PPFIA2: variants seen among roughly 807,000 people sequenced by gnomAD.
The protein encoded by PPFIA2 is liprin-alpha-2.
PPFIA2 carries 46 observed loss-of-function variants against 175.5 expected under a neutral mutation model. The ratio of observed to expected loss-of-function variants is 0.26; its 90% CI spans 0.21 to 0.34. The LOEUF is 0.34. Ranked by LOEUF, PPFIA2 falls within the 10% of genes least tolerant of loss-of-function variation. PPFIA2 has a pLI of 1.00. For missense variants in PPFIA2, 1,179 were observed against 1,506.1 expected (o/e 0.78, Z 3.60); for synonymous variants, 568 against 511.4 (o/e 1.11, Z -1.49).
chr12:81,612,798 G>A (rs1595612114), intron 4 of PPFIA2, among the ~76,000 whole-genome samples: 1 of 152,208 alleles, frequency 6.6e-6, no homozygotes, highest in East Asian at 1.9e-4. Context: ...ATATATATGT[G>A]TGTATGTATA....
At chr12:81,290,589 T>C (rs1040805865) in intron 24 of PPFIA2, among the ~76,000 whole-genome samples, 1 of 151,720 alleles carries the variant, frequency 6.6e-6, no homozygotes, top group African/African-American at 2.4e-5. Flanking sequence ...CCTATAATAA[T>C]AAAGATAAGT....
chr12:81,555,708 G>A (rs1394341004), intron 4 of PPFIA2, among the ~76,000 whole-genome samples: 1 of 151,870 alleles, frequency 6.6e-6, no homozygotes, highest in Non-Finnish European at 1.5e-5. Context: ...CTGTAAGTCA[G>A]TAAATTAATA....
At chr12:81,681,184 AT>A (rs1345516180) in intron 3 of PPFIA2, among the ~76,000 whole-genome samples, 1 of 151,998 alleles carries the variant, frequency 6.6e-6, no homozygotes, top group East Asian at 1.9e-4. Context: ...AATCATATGA[AT>A]TTTTATCATC....
intron 4 of PPFIA2, among the ~76,000 whole-genome samples, chr12:81,482,722 C>T (rs988482393): frequency 1.3e-5 from 2 of 152,104 alleles, no homozygotes; most frequent in African/African-American, 4.8e-5. Context: ...GAACATCACA[C>T]ACTGGATCCT....
intron 27 of PPFIA2, chr12:81,279,063 G>C (rs1469210422): frequency 2.6e-5 from 4 of 152,126 alleles, no homozygotes; most frequent in Admixed American, 2.6e-4. Context: ...ATTGCATTTG[G>C]AGATAGTGCC....
chr12:81,435,008 C>G (rs1405559948), intron 7 of PPFIA2, among the ~76,000 whole-genome samples: 2 of 151,970 alleles, frequency 1.3e-5, no homozygotes, highest in African/African-American at 4.8e-5. Flanking sequence ...TTATTCTATG[C>G]AACTTCATTC....
chr12:81,540,446 C>T (rs2066033997), intron 4 of PPFIA2, among the ~76,000 whole-genome samples: 1 of 151,908 alleles, frequency 6.6e-6, no homozygotes, highest in Admixed American at 6.6e-5. Context: ...AAAGGCTGGG[C>T]TTGGTCTCTT....
At position 81,332,440 on chromosome 12, in the gene PPFIA2, C is replaced by A. The variant is rs77541765; in HGVS notation, c.2549-6570G>T. Among the ~76,000 whole-genome samples the A allele has an allele frequency of 5.1e-4, 77 of 152,158 alleles. No individual in the cohort carries two copies. The East Asian group carries it at 0.014, about 28-fold the overall frequency. On this transcript the variant is annotated intron_variant, in intron 21 of 32. Coordinates refer to ENST00000549396, the MANE Select transcript of PPFIA2 (RefSeq NM_003625.5). Reference sequence around the variant, plus strand: ...CCCGTTTGAAACTCTACCTTTACACCTTTTCAAATACGTAGGAAGATTGCA... The same window carrying A: ...CCCGTTTGAAACTCTACCTTTACACATTTTCAAATACGTAGGAAGATTGCA...
At chr12:81,294,667 T>C in intron 24 of PPFIA2, 168 bp downstream of exon 24, 1 of 660,186 alleles carries the variant, frequency 1.5e-6, no homozygotes, top group Non-Finnish European at 2.6e-6. Flanking sequence ...GTTCCTCATT[T>C]GAAAACCTAT....
intron 4 of PPFIA2, among the ~76,000 whole-genome samples, chr12:81,548,781 T>TA (rs533785120): frequency 2.0e-5 from 3 of 150,382 alleles, no homozygotes; most frequent in Admixed American, 6.7e-5. Flanking sequence ...TGCCAGATGA[T>TA]AAAAAAATCC....
intron 4 of PPFIA2, among the ~76,000 whole-genome samples, chr12:81,540,303 A>T (rs1222801707): frequency 1.3e-5 from 2 of 152,034 alleles, no homozygotes; most frequent in Non-Finnish European, 2.9e-5. Flanking sequence ...CTTAGCAATT[A>T]AGAATGGAAA....
At chr12:81,315,230 C>T (rs1374809358) in intron 22 of PPFIA2, among the ~76,000 whole-genome samples, 1 of 151,780 alleles carries the variant, frequency 6.6e-6, no homozygotes, top group East Asian at 1.9e-4. Context: ...CTTGGGATTA[C>T]TAGGTAATGC....
intron 22 of PPFIA2, among the ~76,000 whole-genome samples, chr12:81,321,940 T>G (rs1311370173): frequency 6.6e-6 from 1 of 152,170 alleles, no homozygotes; most frequent in Non-Finnish European, 1.5e-5. Flanking sequence ...GCTCAAGCAA[T>G]CCTCCTGTCT....
intron 27 of PPFIA2, among the ~76,000 whole-genome samples, chr12:81,280,054 C>T (rs2041693994): frequency 6.6e-6 from 1 of 152,148 alleles, no homozygotes; most frequent in African/African-American, 2.4e-5. Context: ...TTAATTACTT[C>T]AACTTTACCA....
chr12:81,408,763 TG>T (rs1458828288), intron 7 of PPFIA2, among the ~76,000 whole-genome samples: 1 of 152,212 alleles, frequency 6.6e-6, no homozygotes, highest in Non-Finnish European at 1.5e-5. Flanking sequence ...ATGCAAACTT[TG>T]TTTTGTAAAA....
chr12:81,588,821 T>A (rs1011023297), intron 4 of PPFIA2, among the ~76,000 whole-genome samples: 2 of 152,122 alleles, frequency 1.3e-5, no homozygotes, highest in Non-Finnish European at 2.9e-5. Flanking sequence ...AGCTGCTTTA[T>A]TGGGCTCTTT....
intron 4 of PPFIA2, among the ~76,000 whole-genome samples, chr12:81,598,903 G>T (rs2153453471): frequency 6.6e-6 from 1 of 151,920 alleles, no homozygotes; most frequent in African/African-American, 2.4e-5. Flanking sequence ...GCTTCAAAAA[G>T]TACCACATAT....
At chr12:81,503,485 C>A (rs1176849625) in intron 4 of PPFIA2, among the ~76,000 whole-genome samples, 1 of 151,002 alleles carries the variant, frequency 6.6e-6, no homozygotes, top group Admixed American at 6.6e-5. Flanking sequence ...TGGTCAAATT[C>A]TCCAGTGCAG....
chr12:81,469,579 A>G (rs2056368195), intron 4 of PPFIA2, among the ~76,000 whole-genome samples: 1 of 152,232 alleles, frequency 6.6e-6, no homozygotes, highest in Admixed American at 6.5e-5. Flanking sequence ...GCAACTTTCT[A>G]AGATCCAAAA....
Sources: allele counts gnomAD v4.1 joint callset (sites outside exome capture counted in the v4.1 genomes callset), GRCh38; gene constraint gnomAD v4.1.1; transcripts MANE v1.5; gene names NCBI Gene and HGNC (gene_info 2026-07-23, HGNC 2026-07-21).